The following TG variants were observed in gnomAD, a reference collection of about 807,000 sequenced individuals.
TG encodes thyroglobulin, also known as thyroid hormones.
Under a neutral mutation model 324.7 loss-of-function variants are expected in TG, and 270 were observed. The observed-to-expected ratio is 0.83, with a 90% CI of 0.75 to 0.92. The LOEUF (loss-of-function observed/expected upper bound fraction) is 0.92, where lower values mean the gene tolerates loss of function less well. Ranked by LOEUF, TG falls within the 40% of genes least tolerant of loss-of-function variation. The probability of loss-of-function intolerance (pLI) is 0.00; values close to 1 mark genes in which losing one functional copy is unlikely to be tolerated. For missense variants in TG, 3,591 were observed against 3,456.4 expected, an observed-to-expected ratio of 1.04 and a Z score of -0.98; for synonymous variants, 1,401 against 1,327.0, an observed-to-expected ratio of 1.06 and a Z score of -1.21.
intron 41 of TG, among the ~76,000 whole-genome samples, chr8:133,085,247 A>T (rs1245521737): frequency 4.6e-5 from 7 of 152,212 alleles, no homozygotes; most frequent in Non-Finnish European, 4.4e-5. Context: ...AGATTGTAAA[A>T]TATCTATCTA....
chr8:132,941,150 A>G (rs1004219169), intron 25 of TG, among the ~76,000 whole-genome samples: 1 of 152,212 alleles, frequency 6.6e-6, no homozygotes, highest in Non-Finnish European at 1.5e-5. Flanking sequence ...GTTTGGGGCC[A>G]TGGCCTTGGC....
intron 41 of TG, among the ~76,000 whole-genome samples, chr8:133,053,263 A>G (rs1840760944): frequency 1.3e-5 from 2 of 151,938 alleles, no homozygotes; most frequent in Non-Finnish European, 2.9e-5. Flanking sequence ...GCATTTTCCC[A>G]TTTGTGTGAC....
intron 20 of TG, among the ~76,000 whole-genome samples, chr8:132,916,170 A>G (rs555089725): frequency 5.6e-4 from 85 of 152,294 alleles, no homozygotes; most frequent in African/African-American, 2.0e-3. Context: ...GATCCTGGAG[A>G]AAGTCCATTA....
rs765088305 is a variant in TG, at chr8:133,017,791, C to G, written c.6576C>G (p.Leu2192=). 1 of 1,614,082 alleles carries G rather than the reference C, an allele frequency of 6.2e-7. No individual in the cohort carries two copies. Among genetic ancestry groups the G allele is most frequent in the Non-Finnish European group, 8.5e-7 (1 of 1,180,044 alleles). Residue 2192 remains leucine (L), a synonymous_variant, in exon 38 of 48, where the codon CTC becomes CTG. Transcript: ENST00000220616. ...CTTTCCCAACAGGAATCTCTCTGCT[C>G]AGCTATGAGGCATCTGTACCTTCTG... ...HIYRKPGISL[L]SYEASVPSVP... is the part of the protein sequence containing the mutation.
intron 41 of TG, among the ~76,000 whole-genome samples, chr8:133,072,061 C>G (rs1470603621): frequency 6.6e-6 from 1 of 152,174 alleles, no homozygotes; most frequent in Non-Finnish European, 1.5e-5. Context: ...TAAGCACAAG[C>G]CAGCAACAAT....
intron 35 of TG, among the ~76,000 whole-genome samples, chr8:133,007,086 G>A (rs1319911664): frequency 1.1e-4 from 17 of 152,160 alleles, no homozygotes; most frequent in Admixed American, 1.1e-3. Context: ...TGTTGTTTTA[G>A]TTTGGGATGA....
At chr8:133,117,993 C>T (rs1850835815) in intron 45 of TG, among the ~76,000 whole-genome samples, 1 of 152,156 alleles carries the variant, frequency 6.6e-6, no homozygotes, top group Non-Finnish European at 1.5e-5. Flanking sequence ...CATAAGTTGT[C>T]CAACCCATAA....
intron 1 of TG, among the ~76,000 whole-genome samples, chr8:132,867,520 T>C (rs1320525185): frequency 7.2e-6 from 1 of 138,908 alleles, no homozygotes; most frequent in Non-Finnish European, 1.6e-5. Context: ...GTGCCAAGCT[T>C]CTGTTTTTTT....
At chr8:132,920,259 C>A (rs1264137324) in intron 21 of TG, among the ~76,000 whole-genome samples, 1 of 152,150 alleles carries the variant, frequency 6.6e-6, no homozygotes, top group Non-Finnish European at 1.5e-5. Context: ...CTAGCAAGGA[C>A]CCATAACTTG....
chr8:132,971,913 C>T (rs1358875403), intron 33 of TG, 40 bp downstream of exon 33: 2 of 1,339,794 alleles, frequency 1.5e-6, no homozygotes, highest in African/African-American at 1.4e-5. Context: ...GCGCACAGTA[C>T]TCTGCAGTTT....
intron 4 of TG, among the ~76,000 whole-genome samples, chr8:132,872,020 CA>C (rs1462926259): frequency 6.6e-6 from 1 of 151,424 alleles, no homozygotes; most frequent in Non-Finnish European, 1.5e-5. Context: ...TAGTTTTTAA[CA>C]AAAAAGTTTA....
intron 41 of TG, among the ~76,000 whole-genome samples, chr8:133,065,244 G>C (rs547897062): frequency 3.3e-5 from 5 of 152,308 alleles, no homozygotes; most frequent in Admixed American, 6.5e-5. Context: ...TGTCCAGCCA[G>C]TATGTCCTGG....
chr8:132,879,948 C>T (rs933399509), intron 5 of TG, among the ~76,000 whole-genome samples: 1 of 152,216 alleles, frequency 6.6e-6, no homozygotes, highest in African/African-American at 2.4e-5. Context: ...AAGCATGGAA[C>T]TAGAGTGATT....
chr8:132,958,092 TCCAG>T (rs1441726356), intron 27 of TG, among the ~76,000 whole-genome samples: 1 of 152,206 alleles, frequency 6.6e-6, no homozygotes, highest in Non-Finnish European at 1.5e-5. Flanking sequence ...TCCAGTCTCA[TCCAG>T]GTCGCTGCAA....
At chr8:133,040,051 G>T in intron 41 of TG, 1 of 1,553,536 alleles carries the variant, frequency 6.4e-7, no homozygotes, top group South Asian at 1.2e-5. Flanking sequence ...CAGGTGAGCT[G>T]GAGGCCCTCA....
intron 27 of TG, among the ~76,000 whole-genome samples, chr8:132,951,863 G>C (rs140819007): frequency 2.6e-5 from 4 of 152,156 alleles, no homozygotes; most frequent in Non-Finnish European, 5.9e-5. Context: ...TAACTACAGC[G>C]TGAAGAACTG....
intron 31 of TG, among the ~76,000 whole-genome samples, chr8:132,969,081 T>C (rs533612059): frequency 6.8e-6 from 1 of 147,148 alleles, no homozygotes; most frequent in South Asian, 2.1e-4. Flanking sequence ...AGTACTTCTG[T>C]TTGGGCCACC....
Position 132,972,042 on chromosome 8 carries a change from T to C in TG, c.6055+169T>C, listed in dbSNP as rs75591420. ...GCTAATAAATGTGGTAGCTGAGACA[T>C]GGCTCCTAGTCCAGTGATCATCACT... is the stretch of plus-strand genomic sequence containing the variant. On this transcript the variant is annotated intron_variant, in intron 33 of 47. Transcript: ENST00000220616. Among the ~76,000 whole-genome samples, 1,126 of 152,332 alleles carry C rather than the reference T, an allele frequency of 7.4e-3. 18 individuals carry two copies. The highest frequency in any genetic ancestry group is 0.026 in the African/African-American group (1,077 of 41,564).
chr8:132,886,380 T>C lies in TG; in HGVS notation c.1076-68T>C, dbSNP rs953330291. 13 of 1,604,660 alleles carry C rather than the reference T, an allele frequency of 8.1e-6. 1 individual carries two copies. Among genetic ancestry groups the C allele is most frequent in the African/African-American group, 2.7e-5 (2 of 74,790 alleles). On this transcript the variant is annotated intron_variant, in intron 8 of 47. Transcript: ENST00000220616. ...CTGGCTTCTTACTACCTAAAGGATC[T>C]GAGGAGCTGTCTCAGGATTGCTTGT...
Sources: gnomAD v4.1 joint callset for allele counts (sites outside exome capture counted in the v4.1 genomes callset) on GRCh38, gnomAD v4.1.1 for gene constraint, MANE v1.5 for transcripts, NCBI Gene and HGNC (gene_info 2026-07-23, HGNC 2026-07-21) for gene names.